The following VTI1A variants were observed in gnomAD, a reference collection of about 807,000 sequenced individuals.
The protein encoded by VTI1A is vesicle transport through interaction with t-SNAREs homolog 1A.
VTI1A carries 22 observed loss-of-function variants against 34.9 expected under a neutral mutation model. The observed-to-expected ratio is 0.63, with a 90% CI of 0.45 to 0.90. The LOEUF is 0.90. Ranked by LOEUF, VTI1A falls within the 40% of genes least tolerant of loss-of-function variation. The pLI, the probability that VTI1A is intolerant of heterozygous loss-of-function variation, is 0.00. For synonymous variants in VTI1A, 87 were observed against 97.3 expected (o/e 0.89, Z 0.62); for missense variants, 268 against 275.6 (o/e 0.97, Z 0.20).
At chr10:112,495,378 T>G (rs1268563894) in intron 3 of VTI1A, among the ~76,000 whole-genome samples, 1 of 152,148 alleles carries the variant, frequency 6.6e-6, no homozygotes, top group African/African-American at 2.4e-5. Flanking sequence ...AGGGATTCTT[T>G]AATTCAATCT....
At chr10:112,485,956 T>TC (rs1848610969) in intron 3 of VTI1A, among the ~76,000 whole-genome samples, 2 of 152,216 alleles carry the variant, frequency 1.3e-5, no homozygotes, top group Admixed American at 1.3e-4. Flanking sequence ...AATGTTTTTT[T>TC]CCCATGCTCA....
chr10:112,839,530 T>C, the VTI1A span, among the ~76,000 whole-genome samples: 1 of 135,904 alleles, frequency 7.4e-6, no homozygotes, highest in Non-Finnish European at 1.6e-5. Flanking sequence ...TGCTGGCTGG[T>C]TGGGAGGGTT....
At chr10:112,845,410 T>C in the VTI1A span, among the ~76,000 whole-genome samples, 1 of 152,232 alleles carries the variant, frequency 6.6e-6, no homozygotes, top group Non-Finnish European at 1.5e-5. Context: ...CAAATCCACC[T>C]GTCTCACCTG....
intron 7 of VTI1A, among the ~76,000 whole-genome samples, chr10:112,811,184 A>G (rs1853276846): frequency 6.6e-6 from 1 of 152,166 alleles, no homozygotes; most frequent in South Asian, 2.1e-4. Flanking sequence ...GGCCCTTTAC[A>G]TAATGACTGC....
At chr10:112,774,453 G>A (rs544524140) in intron 7 of VTI1A, among the ~76,000 whole-genome samples, 2 of 152,018 alleles carry the variant, frequency 1.3e-5, no homozygotes, top group Non-Finnish European at 2.9e-5. Context: ...CACTACAAAG[G>A]AGATGAGTGT....
intron 5 of VTI1A, among the ~76,000 whole-genome samples, chr10:112,555,978 AAACAATTTTAAGTAATCTATAGCT>A (rs1851530583): frequency 6.6e-6 from 1 of 152,048 alleles, no homozygotes; most frequent in South Asian, 2.1e-4. Flanking sequence ...AATGTTTGAG[AAACAATTTTAAGTAATCTATAGCT>A]CATGGCAAGA....
chr10:112,722,388 A>G (rs1258911624), intron 7 of VTI1A, among the ~76,000 whole-genome samples: 1 of 152,170 alleles, frequency 6.6e-6, no homozygotes, highest in African/African-American at 2.4e-5. Flanking sequence ...GAGGGATAAC[A>G]TTAGGAGAAA....
chr10:112,491,577 A>G (rs1472410038), intron 3 of VTI1A, among the ~76,000 whole-genome samples: 1 of 152,254 alleles, frequency 6.6e-6, no homozygotes, highest in Non-Finnish European at 1.5e-5. Context: ...AAGAGGCGAA[A>G]TTGATTTTAG....
chr10:112,667,721 A>C (rs1414855917), intron 5 of VTI1A, among the ~76,000 whole-genome samples: 1 of 152,128 alleles, frequency 6.6e-6, no homozygotes, highest in Non-Finnish European at 1.5e-5. Context: ...GAGATAGTTC[A>C]CTACCAATAA....
At chr10:112,722,725 C>T (rs1849857395) in intron 7 of VTI1A, among the ~76,000 whole-genome samples, 1 of 151,970 alleles carries the variant, frequency 6.6e-6, no homozygotes, top group Admixed American at 6.6e-5. Flanking sequence ...CAGGCCCCAC[C>T]GCAGACCAAA....
intron 5 of VTI1A, 150 bp downstream of exon 5, chr10:112,538,480 G>A (rs774348917): frequency 1.8e-5 from 12 of 668,206 alleles, no homozygotes; most frequent in South Asian, 6.2e-5. Flanking sequence ...GCTTATTTGC[G>A]CTTATCTTTT....
intron 3 of VTI1A, among the ~76,000 whole-genome samples, chr10:112,520,957 CCAGCT>C (rs564799976): frequency 2.0e-4 from 31 of 151,986 alleles, no homozygotes; most frequent in Middle Eastern, 3.4e-3. Flanking sequence ...AACCTACTTT[CCAGCT>C]CTGTTGGTAG....
chr10:112,630,712 C>G (rs897985228), intron 5 of VTI1A, among the ~76,000 whole-genome samples: 5 of 152,194 alleles, frequency 3.3e-5, no homozygotes, highest in Admixed American at 2.6e-4. Flanking sequence ...CCCCATTCAA[C>G]ATCGCTGAAA....
intron 7 of VTI1A, among the ~76,000 whole-genome samples, chr10:112,808,149 T>A (rs1196974443): frequency 6.6e-6 from 1 of 151,852 alleles, no homozygotes; most frequent in Non-Finnish European, 1.5e-5. Flanking sequence ...GTCCAAGCGT[T>A]CAAGGCTGCA....
At chr10:112,840,523 T>C in the VTI1A span, among the ~76,000 whole-genome samples, 2 of 152,342 alleles carry the variant, frequency 1.3e-5, no homozygotes, top group African/African-American at 4.8e-5. Context: ...CTATCATTTA[T>C]TTCCACAATG....
At chr10:112,804,864 T>C (rs1294770250) in intron 7 of VTI1A, among the ~76,000 whole-genome samples, 1 of 134,314 alleles carries the variant, frequency 7.4e-6, no homozygotes, top group African/African-American at 2.8e-5. Flanking sequence ...TTTTTTTTTT[T>C]TTTTTTTTTT....
chr10:112,834,856 G>T, the VTI1A span, among the ~76,000 whole-genome samples: 1 of 152,158 alleles, frequency 6.6e-6, no homozygotes, highest in African/African-American at 2.4e-5. Context: ...AGTCTCTTCA[G>T]GGGCCTTCAG....
At chr10:112,474,334 T>C (rs1003840379) in intron 3 of VTI1A, among the ~76,000 whole-genome samples, 11 of 152,300 alleles carry the variant, frequency 7.2e-5, no homozygotes, top group Non-Finnish European at 1.5e-4. Context: ...ATTACAGGCG[T>C]GAGCCACCAC....
At chr10:112,813,312 G>T (rs968428615) in intron 7 of VTI1A, among the ~76,000 whole-genome samples, 1 of 152,204 alleles carries the variant, frequency 6.6e-6, no homozygotes, top group African/African-American at 2.4e-5. Flanking sequence ...TAGCATCATG[G>T]ATGCCTTGGG....
Sources: allele counts gnomAD v4.1 joint callset (sites outside exome capture counted in the v4.1 genomes callset), GRCh38; gene constraint gnomAD v4.1.1; transcripts MANE v1.5; gene names NCBI Gene and HGNC (gene_info 2026-07-23, HGNC 2026-07-21).